AVIL: variants seen among roughly 807,000 people sequenced by gnomAD.
AVIL encodes the protein advillin.
A neutral mutation model predicts 109.9 loss-of-function variants in AVIL; 78 were observed. The observed-to-expected ratio is 0.71, with a 90% CI of 0.59 to 0.86. AVIL has a LOEUF of 0.86. Ranked by LOEUF, AVIL falls within the 40% of genes least tolerant of loss-of-function variation. The pLI is 0.00. For missense variants in AVIL, 892 were observed against 1,016.5 expected, an observed-to-expected ratio of 0.88 and a Z score of 1.67; for synonymous variants, 367 against 379.1, an observed-to-expected ratio of 0.97 and a Z score of 0.37.
intron 7 of AVIL, 69 bp from the exon 8 acceptor site, chr12:57,809,959 T>G (rs1400763042): frequency 4.0e-5 from 62 of 1,545,080 alleles, no homozygotes; most frequent in Non-Finnish European, 5.1e-5. Flanking sequence ...CTAGATGTTG[T>G]TCTGGTTTGG....
At chr12:57,807,915 C>T (rs1317029611) in intron 11 of AVIL, 188 bp from the exon 12 acceptor site, 1 of 903,410 alleles carries the variant, frequency 1.1e-6, no homozygotes, top group Non-Finnish European at 1.8e-6. Context: ...TGAACTGGGC[C>T]ATCCTGTTCA....
chr12:57,817,866 CCTT>C (rs779451415), intron 1 of AVIL, among the ~76,000 whole-genome samples: 16 of 152,322 alleles, frequency 1.1e-4, no homozygotes, highest in Non-Finnish European at 2.4e-4. Flanking sequence ...CTGGGTCTCT[CCTT>C]CTCCCTAAAT....
chr12:57,814,312 C>A, intron 2 of AVIL, 86 bp from the exon 3 acceptor site: 1 of 1,352,900 alleles, frequency 7.4e-7, no homozygotes, highest in Non-Finnish European at 1.0e-6. Flanking sequence ...TCATTCGGTG[C>A]AGGTGGTGGG....
intron 16 of AVIL, 128 bp from the exon 17 acceptor site, chr12:57,802,476 C>A: frequency 8.7e-7 from 1 of 1,144,054 alleles, no homozygotes; most frequent in Non-Finnish European, 1.3e-6. Context: ...ACTTTCTCAG[C>A]CTAATTTGTT....
chr12:57,802,460 C>T (rs900268677), intron 16 of AVIL, 112 bp from the exon 17 acceptor site: 5 of 1,308,864 alleles, frequency 3.8e-6, no homozygotes, highest in Admixed American at 2.0e-5. Context: ...TTCACAGCCT[C>T]AGAAAACTTT....
At position 57,797,386 on chromosome 12, in the gene AVIL, A is replaced by T. The variant is rs761171357; in HGVS notation, c.*496T>A. 2.0e-6 allele frequency: 2 copies of T among 985,316 alleles called. No homozygotes were observed. Among genetic ancestry groups the T allele is most frequent in the African/African-American group, 3.5e-5 (2 of 57,240 alleles). The allele number at this position is 985,316 out of a possible 1,614,324, so 61.0% of individuals were successfully genotyped here. ...CTGAAAATAACTCCATTTGTTCATT[A>T]TAGGTATCTTTATTTGAAAAGTGAA... On this transcript the variant is annotated 3_prime_UTR_variant, in exon 20 of 20. Transcript: ENST00000549994.
chr12:57,810,500 T>C lies in AVIL; in HGVS notation c.610A>G (p.Lys204Glu), dbSNP rs2172521. 1 allele frequency: 1,614,154 copies of C among 1,614,162 alleles called. 807,073 individuals carry two copies. Among genetic ancestry groups the C allele is most frequent in the Middle Eastern group, 1 (6,044 of 6,044 alleles). The change falls in exon 7 of 20, where the codon AAA becomes GAA. Residue 204 changes from lysine to glutamate, a missense_variant. By Grantham distance (56) the Lys-to-Glu change is moderately conservative. Transcript: ENST00000549994. ...TTGTCTCCCTCGATCACTCCTATTTTAGCACGGCCCCCTCGCTCCCTGTCT... is the reference window on the plus strand; with the variant it reads ...TTGTCTCCCTCGATCACTCCTATTTCAGCACGGCCCCCTCGCTCCCTGTCT... ...IRDRERGGRA[K>E]IGVIEGDKEA...
chr12:57,809,773 C>G, intron 8 of AVIL, 39 bp downstream of exon 8: 1 of 1,613,374 alleles, frequency 6.2e-7, no homozygotes, highest in Non-Finnish European at 8.5e-7. Flanking sequence ...TGAAGCATGT[C>G]TGGCTACCCC....
chr12:57,801,346 A>C (rs1413718146), intron 17 of AVIL, 134 bp from the exon 18 acceptor site: 1 of 678,344 alleles, frequency 1.5e-6, no homozygotes, highest in East Asian at 2.7e-5. Flanking sequence ...AGTAAAAATG[A>C]AAATCCCCCC....
chr12:57,809,476 A>C (rs970584001), intron 9 of AVIL, 121 bp downstream of exon 9: 1 of 1,135,546 alleles, frequency 8.8e-7, no homozygotes. Flanking sequence ...CTGACTTTGC[A>C]GTCCATGTAC....
In AVIL at chr12:57,806,272, C is replaced by G. The variant is rs529190415; in HGVS notation, c.1671+88G>C. ...GCCAAAGCAAGCACTCCAGCCTACTCTAGGTCCTTTGACCTTGCTGACAGG... is the reference window on the plus strand; with the variant it reads ...GCCAAAGCAAGCACTCCAGCCTACTGTAGGTCCTTTGACCTTGCTGACAGG... On this transcript the variant is annotated intron_variant, in intron 14 of 19. Transcript: ENST00000549994. The G allele has an allele frequency of 3.9e-5, 57 of 1,460,716 alleles. No individual in the cohort carries two copies. The African/African-American group carries it at 6.4e-4, about 16-fold the overall frequency. The allele number at this position is 1,460,716 out of a possible 1,614,324, so 90.5% of individuals were successfully genotyped here. A position where few individuals can be genotyped will look rare whatever the true frequency, so the allele number is the denominator to read the frequency against.
intron 1 of AVIL, 185 bp from the exon 2 acceptor site, chr12:57,816,244 C>T (rs1382275033): frequency 2.2e-5 from 12 of 552,318 alleles, no homozygotes; most frequent in African/African-American, 1.5e-4. Flanking sequence ...GTGAGCCTGG[C>T]TGGCCTGGGG....
chr12:57,815,548 C>T (rs1321713682), intron 2 of AVIL: 7 of 1,213,850 alleles, frequency 5.8e-6, no homozygotes, highest in Non-Finnish European at 7.3e-6. Context: ...ACGGGCTGAA[C>T]AGCTCCTCAT....
chr12:57,811,264 G>GCTGC (rs1406624826), intron 4 of AVIL, 137 bp from the exon 5 acceptor site: 1 of 777,270 alleles, frequency 1.3e-6, no homozygotes, highest in African/African-American at 1.7e-5. Context: ...GGTGGCAGCT[G>GCTGC]CTGCCCCACA....
At chr12:57,798,357 G>T (rs1160085213) in intron 19 of AVIL, among the ~76,000 whole-genome samples, 1 of 152,166 alleles carries the variant, frequency 6.6e-6, no homozygotes, top group Non-Finnish European at 1.5e-5. Context: ...TTTTCTGCCC[G>T]TAACTACCAT....
chr12:57,806,538 C>T lies in AVIL; in HGVS notation c.1493G>A (p.Gly498Asp). The T allele has an allele frequency of 6.2e-7, 1 of 1,613,850 alleles. No homozygotes were observed. Among genetic ancestry groups the T allele is most frequent in the African/African-American group, 1.3e-5 (1 of 74,976 alleles). ...GGCATTTCCCTTCCTGGAAGTCCCA[C>T]CCTAGAGAGAAGAAAAGCAGAGTCC... ...IFKGKLVIFE[G>D]GTSRKGNAEP... The change falls in exon 14 of 20, where the codon GGT becomes GAT. Residue 498 changes from glycine (G) to aspartate (D), a missense_variant and splice_region_variant. Coordinates refer to ENST00000549994, the MANE Select transcript of AVIL (RefSeq NM_006576.4).
rs1956097730 is a variant in AVIL at position 57,816,034 on chromosome 12, G to C, written c.7C>G (p.Leu3Val). ...TCCACAGCCCTGAAGGCACTGGTCA[G>C]AGGCATGATGCTTGTCTTTCCAGGA... MP[L>V]TSAFRAVDND... is the part of the protein sequence containing the mutation. The change falls in exon 2 of 20, where the codon CTG (leucine) becomes GTG (valine). Residue 3 changes from leucine (L) to valine (V), a missense_variant. By Grantham distance (32) the Leu-to-Val change is conservative. Transcript: ENST00000549994. The C allele has an allele frequency of 6.2e-7, 1 of 1,613,068 alleles. No individual in the cohort carries two copies. Among genetic ancestry groups the C allele is most frequent in the Non-Finnish European group, 8.5e-7 (1 of 1,179,662 alleles).
intron 17 of AVIL, among the ~76,000 whole-genome samples, chr12:57,801,761 T>G (rs1955853550): frequency 6.6e-6 from 1 of 151,772 alleles, no homozygotes; most frequent in Non-Finnish European, 1.5e-5. Flanking sequence ...AAAAAAAAGT[T>G]GATTAGGAGT....
At chr12:57,801,029 A>C (rs1033362177) in intron 18 of AVIL, 115 bp downstream of exon 18, 2 of 788,062 alleles carry the variant, frequency 2.5e-6, no homozygotes, top group Non-Finnish European at 4.1e-6. Context: ...CAAAACAGAC[A>C]ACTATGGTAA....
Sources: gnomAD v4.1 joint callset for allele counts (sites outside exome capture counted in the v4.1 genomes callset) on GRCh38, gnomAD v4.1.1 for gene constraint, MANE v1.5 for transcripts, NCBI Gene and HGNC (gene_info 2026-07-23, HGNC 2026-07-21) for gene names.